WASHC4: variants seen among roughly 807,000 people sequenced by gnomAD.
The protein encoded by WASHC4 is WASH complex subunit 7.
A neutral mutation model predicts 166.6 loss-of-function variants in WASHC4; 86 were observed. The observed-to-expected ratio is 0.52, with a 90% confidence interval of 0.43 to 0.62. The LOEUF (loss-of-function observed/expected upper bound fraction) is 0.62. Among genes scored for constraint, WASHC4 ranks in the 20% least tolerant of loss-of-function variants. The pLI, the probability that WASHC4 is intolerant of heterozygous loss-of-function variation, is 0.00. For missense variants in WASHC4, 1,262 were observed against 1,382.4 expected (o/e 0.91, Z 1.38); for synonymous variants, 446 against 451.6 (o/e 0.99, Z 0.16).
At chr12:105,123,775 A>G (rs1881011690) in intron 10 of WASHC4, among the ~76,000 whole-genome samples, 1 of 152,242 alleles carries the variant, frequency 6.6e-6, no homozygotes. Context: ...TTTTCAGTGT[A>G]GATGTAACAG....
intron 14 of WASHC4, among the ~76,000 whole-genome samples, chr12:105,134,904 G>A (rs1050843602): frequency 2.0e-5 from 3 of 150,166 alleles, no homozygotes; most frequent in Non-Finnish European, 3.0e-5. Context: ...TTCCTCTCTC[G>A]CTCTTTTTTG....
intron 20 of WASHC4, among the ~76,000 whole-genome samples, chr12:105,143,891 T>C (rs577872479): frequency 5.3e-5 from 8 of 152,110 alleles, no homozygotes; most frequent in African/African-American, 1.9e-4. Context: ...GATAGTAATT[T>C]AGAACTCCTT....
At position 105,168,067 on chromosome 12, in the gene WASHC4, T is replaced by C. The variant is rs1884898648; in HGVS notation, c.*1136T>C. ...AAGACAAAAGTTTAAAACTTTCTAA[T>C]ACAAACACCATTTTGGGAAATGCTT... is the stretch of plus-strand genomic sequence containing the variant. On this transcript the variant is annotated 3_prime_UTR_variant, in exon 33 of 33. Coordinates refer to ENST00000332180, the MANE Select transcript of WASHC4 (RefSeq NM_015275.3). 6.6e-6 allele frequency: 1 copy of C among 152,142 alleles called. No individual in the cohort carries two copies. The highest frequency in any genetic ancestry group is 1.5e-5 in the Non-Finnish European group (1 of 67,954). The allele number at this position is 152,142 out of a possible 1,614,324, so 9.4% of individuals were successfully genotyped here.
At chr12:105,127,096 A>T (rs767615039) in intron 12 of WASHC4, 33 bp from the exon 13 acceptor site, 2 of 1,591,046 alleles carry the variant, frequency 1.3e-6, no homozygotes, top group Non-Finnish European at 8.6e-7. Flanking sequence ...CCTGCATTTA[A>T]TGAATTTTCC....
chr12:105,144,509 A>G lies in WASHC4; in HGVS notation c.2179+54A>G, dbSNP rs1387742976. 9 of 1,020,358 alleles carry G rather than the reference A, an allele frequency of 8.8e-6. No individual in the cohort carries two copies. Among genetic ancestry groups the G allele is most frequent in the Middle Eastern group, 4.5e-4 (2 of 4,478 alleles). The allele number at this position is 1,020,358 out of a possible 1,614,324, so 63.2% of individuals were successfully genotyped here. ...CATATTCTCTTTTTTTTTTTTTTTT[A>G]CCCTACTGTTAAACAAAACTTTGAG... is the stretch of plus-strand genomic sequence containing the variant. On this transcript the variant is annotated intron_variant, in intron 21 of 32. Transcript: ENST00000332180.
At chr12:105,153,584 T>G (rs1199100831) in intron 26 of WASHC4, among the ~76,000 whole-genome samples, 1 of 152,216 alleles carries the variant, frequency 6.6e-6, no homozygotes, top group African/African-American at 2.4e-5. Flanking sequence ...TTTGAGAATC[T>G]GAGGAAAACT....
At chr12:105,140,537 T>C in intron 16 of WASHC4, 136 bp downstream of exon 16, 1 of 706,600 alleles carries the variant, frequency 1.4e-6, no homozygotes, top group Non-Finnish European at 2.4e-6. Context: ...TTTATCTCCA[T>C]AGTATTTTAC....
intron 26 of WASHC4, among the ~76,000 whole-genome samples, chr12:105,154,650 C>T (rs769476503): frequency 5.9e-5 from 9 of 152,188 alleles, no homozygotes; most frequent in African/African-American, 9.7e-5. Flanking sequence ...TAAACAAAGT[C>T]TCTGTCCTTA....
chr12:105,129,645 T>C (rs1393787089), intron 13 of WASHC4, among the ~76,000 whole-genome samples: 5 of 152,208 alleles, frequency 3.3e-5, no homozygotes, highest in African/African-American at 1.2e-4. Flanking sequence ...GCCTTCTTGT[T>C]TGTCTTCTCT....
intron 15 of WASHC4, 148 bp from the exon 16 acceptor site, chr12:105,140,146 C>G (rs541017578): frequency 6.3e-6 from 4 of 635,290 alleles, no homozygotes; most frequent in Non-Finnish European, 1.1e-5. Context: ...GCTGGGATTA[C>G]AGGCGTGAGC....
rs1299946024 is a variant in WASHC4, at chr12:105,168,430, TC to T, written c.*1500del. 2 of 148,780 alleles carry T rather than the reference TC, an allele frequency of 1.3e-5. No homozygotes were observed. Among genetic ancestry groups the T allele is most frequent in the Non-Finnish European group, 3.0e-5 (2 of 67,192 alleles). 9.2% of individuals were successfully genotyped at this position (148,780 alleles called of 1,614,324 possible). On this transcript the variant is annotated 3_prime_UTR_variant, in exon 33 of 33. Coordinates refer to ENST00000332180, the MANE Select transcript of WASHC4 (RefSeq NM_015275.3). Reference sequence around the variant, plus strand: ...GCTGCATAATTAATAATTTATATTTTCATTATTATAAGTGTTTATATTAATG... The same window carrying T: ...GCTGCATAATTAATAATTTATATTTTATTATTATAAGTGTTTATATTAATG...
chr12:105,121,568 C>T (rs913149632), intron 9 of WASHC4, among the ~76,000 whole-genome samples: 4 of 152,120 alleles, frequency 2.6e-5, no homozygotes, highest in Admixed American at 6.5e-5. Context: ...AGTGCAGTGG[C>T]GTGATCTCGG....
intron 1 of WASHC4, among the ~76,000 whole-genome samples, chr12:105,109,473 A>G (rs1265730648): frequency 6.6e-6 from 1 of 152,198 alleles, no homozygotes; most frequent in Non-Finnish European, 1.5e-5. Flanking sequence ...TTACTCTTAA[A>G]AAATTACCAT....
intron 25 of WASHC4, among the ~76,000 whole-genome samples, chr12:105,150,324 G>A (rs1444102336): frequency 6.6e-6 from 1 of 152,134 alleles, no homozygotes; most frequent in Admixed American, 6.5e-5. Context: ...AAACAGTGCT[G>A]CAGTAACATC....
In WASHC4 at chr12:105,146,648, G is replaced by A. The variant is rs1883321932; in HGVS notation, c.2409+122G>A. On this transcript the variant is annotated intron_variant, in intron 23 of 32. Transcript: ENST00000332180. ...GAAACAAAAAATAATTGTTTTCGAG[G>A]CCTTGTTTATTTTTTTGCCTTGATT... is the stretch of plus-strand genomic sequence containing the variant. 14 of 667,208 alleles carry A rather than the reference G, an allele frequency of 2.1e-5. No homozygotes were observed. In the South Asian group the frequency reaches 2.3e-4, roughly 11 times the overall value. The allele number at this position is 667,208 out of a possible 1,614,324, so 41.3% of individuals were successfully genotyped here.
At chr12:105,116,548 AC>A (rs1311641382) in intron 6 of WASHC4, among the ~76,000 whole-genome samples, 1 of 152,198 alleles carries the variant, frequency 6.6e-6, no homozygotes, top group Non-Finnish European at 1.5e-5. Context: ...GATCTGATGT[AC>A]AACATGAAGA....
rs1318846075 is a variant in WASHC4 at position 105,157,280 on chromosome 12, T to G, written c.2870T>G (p.Val957Gly). 6.4e-7 allele frequency: 1 copy of G among 1,568,956 alleles called. No individual in the cohort carries two copies. Among genetic ancestry groups the G allele is most frequent in the African/African-American group, 1.4e-5 (1 of 74,064 alleles). The change falls in exon 28 of 33, where the codon GTA (valine) becomes GGA (glycine). Residue 957 changes from valine to glycine, a missense_variant. Coordinates refer to ENST00000332180, the MANE Select transcript of WASHC4 (RefSeq NM_015275.3). ...LEDIVNFEEL[V>G]KEEGLAEETL... ...GATATTGTAAATTTTGAAGAACTAG[T>G]AAAAGAAGAAGGTCTTGCAGAAGAA...
In WASHC4 at chr12:105,152,425, A is replaced by T. The variant is rs750405737; in HGVS notation, c.2732A>T (p.Gln911Leu). ...CCTGAGGGACAGAGCTACCTTGATC[A>T]ATTCAGGCAACTCATCAGCCAGATT... ...VTPEGQSYLDQFRQLISQIGN... is the reference protein window; with the variant it reads ...VTPEGQSYLDLFRQLISQIGN... Residue 911 changes from glutamine (Q) to leucine (L), a missense_variant, in exon 26 of 33, where the codon CAA becomes CTA. Transcript: ENST00000332180. 6.3e-7 allele frequency: 1 copy of T among 1,596,382 alleles called. No individual in the cohort carries two copies. The highest frequency in any genetic ancestry group is 8.6e-7 in the Non-Finnish European group (1 of 1,164,034).
rs757381532 is a variant in WASHC4, at chr12:105,140,377, T to C, written c.1536T>C (p.Ala512=). 1.2e-6 allele frequency: 2 copies of C among 1,613,100 alleles called. No homozygotes were observed. Among genetic ancestry groups the C allele is most frequent in the Non-Finnish European group, 1.7e-6 (2 of 1,179,064 alleles). Residue 512 remains alanine (A), a synonymous_variant, in exon 16 of 33, where the codon GCT becomes GCC. Transcript: ENST00000332180. ...SHITQHLQHQ[A]LHSISVAKKR... is the part of the protein sequence containing the mutation. ...TAACACAGCACCTTCAACATCAGGC[T>C]CTTCATTCTATTTCTGTGGCCAAGG...
Sources: gnomAD v4.1 joint callset for allele counts (sites outside exome capture counted in the v4.1 genomes callset) on GRCh38, gnomAD v4.1.1 for gene constraint, MANE v1.5 for transcripts, NCBI Gene and HGNC (gene_info 2026-07-23, HGNC 2026-07-21) for gene names.